Variants in TIMM50 observed in about 807,000 individuals in gnomAD.
TIMM50 encodes the protein mitochondrial import inner membrane translocase subunit TIM50.
TIMM50 carries 34 observed loss-of-function variants against 49.6 expected under a neutral mutation model. That is an observed-to-expected ratio of 0.69 (90% CI 0.52 to 0.91). TIMM50 has a LOEUF of 0.91. TIMM50 is among the 40% of genes least tolerant of loss of function. The probability of loss-of-function intolerance (pLI) is 0.00; values close to 1 mark genes in which losing one functional copy is unlikely to be tolerated. For synonymous variants in TIMM50, 199 were observed against 198.4 expected, an observed-to-expected ratio of 1.00 and a Z score of -0.03; for missense variants, 458 against 477.8, an observed-to-expected ratio of 0.96 and a Z score of 0.39.
rs1215913307 is a variant in TIMM50 at position 39,480,940 on chromosome 19, G to T, written c.87G>T (p.Pro29=). ...GACTGTGCACGAGGTTGGCGACGCC[G>T]CCCCGCCGGGCCCCAGATCAGGTGA... ...SRGLCTRLAT[P]PRRAPDQAAE... is the part of the protein sequence containing the mutation. Residue 29 remains proline (P), a synonymous_variant, in exon 1 of 11, where the codon CCG becomes CCT. Transcript: ENST00000607714. The T allele has an allele frequency of 3.8e-6, 6 of 1,583,190 alleles. No homozygotes were observed. The highest frequency in any genetic ancestry group is 3.5e-5 in the Admixed American group (2 of 57,048).
At position 39,480,976 on chromosome 19, in the gene TIMM50, G is replaced by T; in HGVS notation, c.108+15G>T. 2.5e-6 allele frequency: 4 copies of T among 1,571,068 alleles called. No homozygotes were observed. The highest frequency in any genetic ancestry group is 4.5e-5 in the East Asian group (2 of 44,020). On this transcript the variant is annotated intron_variant, in intron 1 of 10. Transcript: ENST00000607714. ...CCCCAGATCAGGTGAGCGGAACGAGGGTGGCCCTCTGAATGTGGGGTCCCT... is the reference window on the plus strand; with the variant it reads ...CCCCAGATCAGGTGAGCGGAACGAGTGTGGCCCTCTGAATGTGGGGTCCCT...
In TIMM50 at chr19:39,482,025, A is replaced by T. The variant is rs772694709; in HGVS notation, c.251A>T (p.Tyr84Phe). The T allele has an allele frequency of 2.5e-6, 4 of 1,613,700 alleles. No homozygotes were observed. Among genetic ancestry groups the T allele is most frequent in the South Asian group, 1.1e-5 (1 of 91,072 alleles). Residue 84 changes from tyrosine to phenylalanine, a missense_variant, in exon 2 of 11, where the codon TAT (tyrosine) becomes TTT (phenylalanine). Physicochemically the swap from Tyr to Phe is conservative, Grantham distance 22 (BLOSUM62 3). Coordinates refer to ENST00000607714, the MANE Select transcript of TIMM50 (RefSeq NM_001001563.5). ...LGAGGTVSVV[Y>F]IFGNNPVDEN... ...GCTGGTGGGACTGTGAGCGTCGTCT[A>T]TATCTTTGGTGAGGGACATATCCCT...
At chr19:39,488,760 C>A in intron 10 of TIMM50, 115 bp downstream of exon 10, 2 of 749,888 alleles carry the variant, frequency 2.7e-6, no homozygotes, top group Non-Finnish European at 4.5e-6. Context: ...GCAGATACCT[C>A]CTCTCTGCCT....
At chr19:39,487,220 G>A (rs2079512998) in intron 8 of TIMM50, among the ~76,000 whole-genome samples, 1 of 152,164 alleles carries the variant, frequency 6.6e-6, no homozygotes, top group Non-Finnish European at 1.5e-5. Context: ...TGTGTGCTAG[G>A]CCCTGGGTCT....
intron 6 of TIMM50, 107 bp downstream of exon 6, chr19:39,485,914 T>C: frequency 6.8e-7 from 1 of 1,479,766 alleles, no homozygotes; most frequent in Non-Finnish European, 9.2e-7. Flanking sequence ...GGAGGAGATG[T>C]CACCTGTCAT....
intron 6 of TIMM50, 66 bp downstream of exon 6, chr19:39,485,873 T>A: frequency 6.3e-7 from 1 of 1,598,014 alleles, no homozygotes. Flanking sequence ...TGAGGTGGAC[T>A]TTCAGCCCTG....
chr19:39,487,104 C>T, intron 8 of TIMM50, among the ~76,000 whole-genome samples: 1 of 152,158 alleles, frequency 6.6e-6, no homozygotes, highest in East Asian at 1.9e-4. Context: ...CACCTGTTTA[C>T]TTGAGTGAGA....
At position 39,481,911 on chromosome 19, in the gene TIMM50, C is replaced by CT; in HGVS notation, c.138dup (p.Lys47Ter). On this transcript the variant is annotated frameshift_variant, in exon 2 of 11. Transcript: ENST00000607714. LOFTEE classifies it high-confidence loss of function. ...GCAGAGATCGGGAGCCGCGGGAGCA[C>CT]TAAGGCGCAAGGGCCACAGCAGCAG... is the stretch of plus-strand genomic sequence containing the variant. 6.2e-7 allele frequency: 1 copy of CT among 1,613,968 alleles called. No homozygotes were observed. The highest frequency in any genetic ancestry group is 8.5e-7 in the Non-Finnish European group (1 of 1,179,956).
intron 8 of TIMM50, 133 bp from the exon 9 acceptor site, chr19:39,487,928 T>C (rs1383315590): frequency 3.6e-6 from 5 of 1,376,178 alleles, no homozygotes; most frequent in Non-Finnish European, 4.9e-6. Flanking sequence ...AAAGCCGGTC[T>C]TTGAGAGGCC....
Position 39,490,050 on chromosome 19 carries a change from A to C in TIMM50, c.*230A>C. 1.8e-6 allele frequency: 1 copy of C among 542,244 alleles called. No homozygotes were observed. Among genetic ancestry groups the C allele is most frequent in the South Asian group, 2.7e-5 (1 of 37,686 alleles). 33.6% of individuals were successfully genotyped at this position (542,244 alleles called of 1,614,324 possible). The stretch of plus-strand genomic sequence containing the variant: ...GGGGTGCTTTGTTGGATCAGAGCAG[A>C]TTTTTCACCCTGGTCTCGGAATCTA... On this transcript the variant is annotated 3_prime_UTR_variant, in exon 11 of 11. Coordinates refer to ENST00000607714, the MANE Select transcript of TIMM50 (RefSeq NM_001001563.5).
In TIMM50 at chr19:39,489,737, G is replaced by A. The variant is rs745423112; in HGVS notation, c.979G>A (p.Ala327Thr). ...ACCCCAGGAGGAGCAGCAGCGCCTG[G>A]CCGAGCTCTCCAAGTCCAACAAGCA... The part of the protein sequence containing the change: ...RLEQEEQQRL[A>T]ELSKSNKQNL... The change falls in exon 11 of 11, where the codon GCC (alanine) becomes ACC (threonine). Residue 327 changes from alanine (A) to threonine (T), a missense_variant. Transcript: ENST00000607714. 3.7e-6 allele frequency: 6 copies of A among 1,609,052 alleles called. No individual in the cohort carries two copies. Among genetic ancestry groups the A allele is most frequent in the Non-Finnish European group, 5.1e-6 (6 of 1,178,088 alleles).
rs750540293 is a variant in TIMM50, at chr19:39,482,053, C to A, written c.259+20C>A. The A allele has an allele frequency of 6.2e-7, 1 of 1,607,060 alleles. No homozygotes were observed. Among genetic ancestry groups the A allele is most frequent in the Non-Finnish European group, 8.5e-7 (1 of 1,174,260 alleles). ...TCTTTGGTGAGGGACATATCCCTGT[C>A]CCCCAGTTTTGTTCCTTGGCCTCCC... On this transcript the variant is annotated intron_variant, in intron 2 of 10. Coordinates refer to ENST00000607714, the MANE Select transcript of TIMM50 (RefSeq NM_001001563.5).
At chr19:39,482,257 G>C (rs934782436) in intron 2 of TIMM50, among the ~76,000 whole-genome samples, 2 of 152,186 alleles carry the variant, frequency 1.3e-5, no homozygotes, top group East Asian at 1.9e-4. Context: ...CCTGTACCAG[G>C]ATAAAGGAAA....
At chr19:39,489,687 G>A in intron 10 of TIMM50, 32 bp from the exon 11 acceptor site, 1 of 1,572,586 alleles carries the variant, frequency 6.4e-7, no homozygotes, top group East Asian at 2.3e-5. Flanking sequence ...ACCTTGCGCT[G>A]ACCCTCTCCT....
chr19:39,491,773 T>G lies in TIMM50; in HGVS notation c.*1953T>G, dbSNP rs140329716. ...AGGAGGTCGTGCGTGGCTGTGATGA[T>G]CTGTGATCGTGCCGCTAAATTCTAG... On this transcript the variant is annotated 3_prime_UTR_variant, in exon 11 of 11. Coordinates refer to ENST00000607714, the MANE Select transcript of TIMM50 (RefSeq NM_001001563.5). 8.9e-3 allele frequency: 1,259 copies of G among 141,218 alleles called. 16 individuals carry two copies. Among genetic ancestry groups the G allele is most frequent in the African/African-American group, 0.032 (1,174 of 37,072 alleles). The allele number at this position is 141,218 out of a possible 1,614,324, so 8.7% of individuals were successfully genotyped here. A position where few individuals can be genotyped will look rare whatever the true frequency, so the allele number is the denominator to read the frequency against.
rs772087030 is a variant in TIMM50, at chr19:39,480,905, G to A, written c.52G>A (p.Gly18Ser). The change falls in exon 1 of 11, where the codon GGC becomes AGC. Residue 18 changes from glycine (G) to serine (S), a missense_variant. Physicochemically the swap from Gly to Ser is moderately conservative, Grantham distance 56. Coordinates refer to ENST00000607714, the MANE Select transcript of TIMM50 (RefSeq NM_001001563.5). ...GCGCTTGCGAAGCGGGCTCCGGCTC[G>A]GCTCGCGGGGACTGTGCACGAGGTT... The part of the protein sequence containing the change: ...FSRLRSGLRL[G>S]SRGLCTRLAT... The A allele has an allele frequency of 1.3e-6, 2 of 1,589,008 alleles. No homozygotes were observed. The highest frequency in any genetic ancestry group is 2.7e-5 in the African/African-American group (2 of 74,726).
At position 39,490,166 on chromosome 19, in the gene TIMM50, A is replaced by G. The variant is rs1017957857; in HGVS notation, c.*346A>G. On this transcript the variant is annotated 3_prime_UTR_variant, in exon 11 of 11. Coordinates refer to ENST00000607714, the MANE Select transcript of TIMM50 (RefSeq NM_001001563.5). ...AGACTCCTCATCTGTGGAGAAGGGA[A>G]GAGAGGATGGCACTTGGCTTTAAAG... is the stretch of plus-strand genomic sequence containing the variant. 8.0e-6 allele frequency: 2 copies of G among 250,062 alleles called. No individual in the cohort carries two copies. Among genetic ancestry groups the G allele is most frequent in the Non-Finnish European group, 1.6e-5 (2 of 127,212 alleles). The allele number at this position is 250,062 out of a possible 1,614,324, so 15.5% of individuals were successfully genotyped here.
At position 39,483,340 on chromosome 19, in the gene TIMM50, C is replaced by T. The variant is rs934285449; in HGVS notation, c.313+184C>T. The T allele has an allele frequency of 4.2e-6, 3 of 710,538 alleles. No individual in the cohort carries two copies. In the African/African-American group the frequency reaches 5.4e-5, roughly 13 times the overall value. 44.0% of individuals were successfully genotyped at this position (710,538 alleles called of 1,614,324 possible). A position where few individuals can be genotyped will look rare whatever the true frequency, so the allele number is the denominator to read the frequency against. On this transcript the variant is annotated intron_variant, in intron 4 of 10. Transcript: ENST00000607714. Reference sequence around the variant, plus strand: ...AAGCCCAAGCCCACTTCCCTGGCCCCTCAGCCCCGAGCAGATGGTCAGAGA... The same window carrying T: ...AAGCCCAAGCCCACTTCCCTGGCCCTTCAGCCCCGAGCAGATGGTCAGAGA...
chr19:39,484,263 GA>G (rs1408017164), intron 4 of TIMM50, among the ~76,000 whole-genome samples: 1 of 152,172 alleles, frequency 6.6e-6, no homozygotes, highest in Non-Finnish European at 1.5e-5. Flanking sequence ...CATTAGCCGG[GA>G]GTGGTGGCCT....
Sources: allele counts gnomAD v4.1 joint callset (sites outside exome capture counted in the v4.1 genomes callset), GRCh38; gene constraint gnomAD v4.1.1; transcripts MANE v1.5; gene names NCBI Gene and HGNC (gene_info 2026-07-23, HGNC 2026-07-21).